The following PASK variants were observed in gnomAD, a reference collection of about 807,000 sequenced individuals.
The protein encoded by PASK is PAS domain containing serine/threonine kinase.
In PASK, 110 loss-of-function variants were observed where a neutral mutation model predicts 121.0. The ratio of observed to expected loss-of-function variants is 0.91; its 90% confidence interval spans 0.78 to 1.06. The LOEUF is 1.06. Ranked by LOEUF, PASK falls within the 50% of genes least tolerant of loss-of-function variation. The pLI, the probability that PASK is intolerant of heterozygous loss-of-function variation, is 0.00. For missense variants in PASK, 1,643 were observed against 1,702.3 expected (o/e 0.97, Z 0.61); for synonymous variants, 686 against 717.8 (o/e 0.96, Z 0.71).
intron 11 of PASK, 50 bp downstream of exon 11, chr2:241,123,899 C>A (rs766912481): frequency 6.8e-7 from 1 of 1,460,328 alleles, no homozygotes; most frequent in East Asian, 2.3e-5. Flanking sequence ...AGGATATTTG[C>A]CACACAGTAC....
chr2:241,111,563 C>G (rs1007689994), intron 15 of PASK, among the ~76,000 whole-genome samples: 1 of 152,202 alleles, frequency 6.6e-6, no homozygotes, highest in African/African-American at 2.4e-5. Flanking sequence ...CCACTCAGGC[C>G]CTACAAATGA....
chr2:241,127,417 G>A lies in PASK; in HGVS notation c.1498C>T (p.His500Tyr). The A allele has an allele frequency of 1.2e-6, 2 of 1,614,128 alleles. No homozygotes were observed. Among genetic ancestry groups the A allele is most frequent in the South Asian group, 1.1e-5 (1 of 91,084 alleles). Residue 500 changes from histidine to tyrosine, a missense_variant, in exon 10 of 18, where the codon CAC becomes TAC. Around this residue, in one of 3 missense-constraint regions of PASK, gnomAD observed 1,176 missense variants for 1,162.2 expected, o/e 1.01. Transcript: ENST00000234040. ...DNVPEGSLPV[H>Y]GEQALPKDQQ... ...TCCTTGGGCAGCGCCTGTTCACCGT[G>A]CACTGGCAGGCTTCCTTCTGGGACA...
intron 11 of PASK, among the ~76,000 whole-genome samples, chr2:241,123,554 A>C (rs149799518): frequency 6.6e-6 from 1 of 152,144 alleles, no homozygotes; most frequent in Admixed American, 6.5e-5. Context: ...GCAATGGCTC[A>C]CGCCTATAAT....
At chr2:241,114,083 A>C in intron 14 of PASK, 1 of 985,372 alleles carries the variant, frequency 1.0e-6, no homozygotes, top group Non-Finnish European at 1.2e-6. Context: ...AGCGACCCTC[A>C]ACATAACCTC....
intron 9 of PASK, among the ~76,000 whole-genome samples, chr2:241,130,222 ATGAC>A (rs1337263063): frequency 1.3e-5 from 2 of 152,226 alleles, no homozygotes; most frequent in Admixed American, 1.3e-4. Context: ...GAGTGAGTGA[ATGAC>A]TGAGCGGGGA....
At position 241,107,470 on chromosome 2, in the gene PASK, G is replaced by A. The variant is rs2064937034; in HGVS notation, c.3697C>T (p.Gln1233Ter). The change falls in exon 17 of 18, where the codon CAG becomes TAG. Residue 1233 changes from glutamine to a stop codon, truncating the protein, a stop_gained. Coordinates refer to ENST00000234040, the MANE Select transcript of PASK (RefSeq NM_015148.4). LOFTEE classifies it high-confidence loss of function. ...GTGGTGCGTCTCTCAGGGACTGGCT[G>A]CAGCAGCCCAGACACAAGGCTCATG... ...ELMSLVSGLL[Q>*]PVPERRTTLE... is the part of the protein sequence containing the mutation. The A allele has an allele frequency of 6.2e-7, 1 of 1,614,080 alleles. No homozygotes were observed. Among genetic ancestry groups the A allele is most frequent in the Non-Finnish European group, 8.5e-7 (1 of 1,179,924 alleles).
Position 241,122,752 on chromosome 2 carries a change from C to A in PASK, c.3052G>T (p.Asp1018Tyr). 6.2e-7 allele frequency: 1 copy of A among 1,614,128 alleles called. No individual in the cohort carries two copies. The highest frequency in any genetic ancestry group is 8.5e-7 in the Non-Finnish European group (1 of 1,179,996). ...GTTACCTCCTTGTTTTTTTCCTTGT[C>A]CACAGCAGTCCACACGAAGCCGAAG... is the stretch of plus-strand genomic sequence containing the variant. Reference protein sequence around the residue: ...GAFGFVWTAVDKEKNKEVVVK... With the variant: ...GAFGFVWTAVYKEKNKEVVVK... Residue 1018 changes from aspartate (D) to tyrosine (Y), a missense_variant, in exon 12 of 18, where the codon GAC becomes TAC. Coordinates refer to ENST00000234040, the MANE Select transcript of PASK (RefSeq NM_015148.4).
In PASK at chr2:241,128,327, G is replaced by A. The variant is rs539719144; in HGVS notation, c.1464-876C>T. On this transcript the variant is annotated intron_variant, in intron 9 of 17. Coordinates refer to ENST00000234040, the MANE Select transcript of PASK (RefSeq NM_015148.4). ...GGGACACGGGCCGAAAAAGAGAGAG[G>A]AGGCTGGTGAGGGCGGCTCCTAAGA... 3.9e-5 allele frequency among the ~76,000 whole-genome samples: 6 copies of A among 152,282 alleles called. No homozygotes were observed. In the South Asian group the frequency reaches 6.2e-4, roughly 16 times the overall value.
At chr2:241,121,487 G>GAA (rs1214151177) in intron 12 of PASK, among the ~76,000 whole-genome samples, 1 of 152,130 alleles carries the variant, frequency 6.6e-6, no homozygotes, top group East Asian at 1.9e-4. Flanking sequence ...AGAAACAATA[G>GAA]AAAACATCTA....
At chr2:241,148,067 C>A (rs1217443436) in intron 1 of PASK, among the ~76,000 whole-genome samples, 1 of 152,158 alleles carries the variant, frequency 6.6e-6, no homozygotes, top group Non-Finnish European at 1.5e-5. Flanking sequence ...TTGACTCAGA[C>A]GTTAACCAGA....
At chr2:241,119,184 G>GT (rs1456634867) in intron 12 of PASK, among the ~76,000 whole-genome samples, 1 of 152,254 alleles carries the variant, frequency 6.6e-6, no homozygotes, top group East Asian at 1.9e-4. Flanking sequence ...GATACACATT[G>GT]TATCTCTGTA....
Position 241,127,148 on chromosome 2 carries a change from C to T in PASK, c.1767G>A (p.Gly589=), listed in dbSNP as rs2065907190. 1 of 1,613,916 alleles carries T rather than the reference C, an allele frequency of 6.2e-7. No individual in the cohort carries two copies. The change falls in exon 10 of 18, where the codon GGG becomes GGA. Residue 589 remains glycine, a synonymous_variant. Coordinates refer to ENST00000234040, the MANE Select transcript of PASK (RefSeq NM_015148.4). ...TGGCCTGGGGCTTGGCCACGGCAGC[C>T]CCAGCCCAAAGGTCTGAACCGCTGG... ...SGPSGSDLWA[G]AAVAKPQAKG... is the part of the protein sequence containing the mutation.
chr2:241,124,420 A>T (rs1328621425), intron 10 of PASK, among the ~76,000 whole-genome samples: 1 of 152,224 alleles, frequency 6.6e-6, no homozygotes, highest in Non-Finnish European at 1.5e-5. Context: ...GAGGCCAAGG[A>T]AGCCCTCCAG....
chr2:241,116,884 G>A (rs896861648), intron 12 of PASK, among the ~76,000 whole-genome samples: 6 of 152,180 alleles, frequency 3.9e-5, no homozygotes, highest in South Asian at 2.1e-4. Flanking sequence ...ACCAAGGAAC[G>A]ATGAGTGCCA....
intron 9 of PASK, among the ~76,000 whole-genome samples, chr2:241,130,008 CAGG>C (rs552486217): frequency 3.7e-4 from 56 of 152,316 alleles, no homozygotes; most frequent in Non-Finnish European, 6.9e-4. Flanking sequence ...CCAGGATTAC[CAGG>C]AGAACTAAAG....
In PASK at chr2:241,126,467, G is replaced by C. The variant is rs149329797; in HGVS notation, c.2448C>G (p.Ser816Arg). ...DLGQGRRFRESCVGHDPTEPL... is the reference protein window; with the variant it reads ...DLGQGRRFRERCVGHDPTEPL... ...GTTCTGTTGGATCATGTCCCACACA[G>C]CTCTCCCGGAACCGTCGGCCTTGGC... The change falls in exon 10 of 18, where the codon AGC becomes AGG. Residue 816 changes from serine to arginine, a missense_variant. Coordinates refer to ENST00000234040, the MANE Select transcript of PASK (RefSeq NM_015148.4). The C allele has an allele frequency of 1.2e-6, 2 of 1,614,112 alleles. No individual in the cohort carries two copies. Among genetic ancestry groups the C allele is most frequent in the African/African-American group, 2.7e-5 (2 of 74,938 alleles).
intron 1 of PASK, among the ~76,000 whole-genome samples, chr2:241,144,330 G>A (rs2066854255): frequency 6.6e-6 from 1 of 152,142 alleles, no homozygotes; most frequent in South Asian, 2.1e-4. Context: ...AACAAAAAGA[G>A]CCCTTAAAGC....
upstream of PASK, chr2:241,149,651 G>C (rs1374901022): frequency 5.2e-6 from 8 of 1,541,672 alleles, no homozygotes; most frequent in Non-Finnish European, 4.4e-6. Flanking sequence ...GGAATAATGG[G>C]CGCCTCCGCC....
chr2:241,147,170 C>T (rs1179104007), intron 1 of PASK, among the ~76,000 whole-genome samples: 3 of 152,150 alleles, frequency 2.0e-5, no homozygotes, highest in Admixed American at 2.0e-4. Context: ...GTTTTTTCTA[C>T]TTTTAGAACC....
Sources: allele counts gnomAD v4.1 joint callset (sites outside exome capture counted in the v4.1 genomes callset), GRCh38; gene constraint gnomAD v4.1.1; regional missense constraint gnomAD v4.1.1; transcripts MANE v1.5; gene names NCBI Gene and HGNC (gene_info 2026-07-23, HGNC 2026-07-21).